The following CDC42BPA variants were observed in gnomAD, a reference collection of about 807,000 sequenced individuals.
CDC42BPA encodes serine/threonine-protein kinase MRCK alpha.
A neutral mutation model predicts 223.5 loss-of-function variants in CDC42BPA; 80 were observed. That is an observed-to-expected ratio of 0.36 (90% CI 0.30 to 0.43). The LOEUF (loss-of-function observed/expected upper bound fraction) is 0.43. CDC42BPA is among the 20% of genes least tolerant of loss of function. CDC42BPA has a pLI of 1.00. For synonymous variants in CDC42BPA, 694 were observed against 718.6 expected, an observed-to-expected ratio of 0.97 and a Z score of 0.55; for missense variants, 1,743 against 2,099.9, an observed-to-expected ratio of 0.83 and a Z score of 3.32.
intron 2 of CDC42BPA, among the ~76,000 whole-genome samples, chr1:227,249,542 C>T (rs1681592733): frequency 6.6e-6 from 1 of 152,164 alleles, no homozygotes; most frequent in Non-Finnish European, 1.5e-5. Flanking sequence ...TTGCAAACTA[C>T]TCATCTGACA....
At chr1:227,033,537 TA>T (rs2148685541) in intron 26 of CDC42BPA, 122 bp from the exon 27 acceptor site, 1 of 625,020 alleles carries the variant, frequency 1.6e-6, no homozygotes, top group Non-Finnish European at 2.9e-6. Flanking sequence ...TTTAATTTTT[TA>T]AAAAAATTAA....
intron 24 of CDC42BPA, among the ~76,000 whole-genome samples, chr1:227,038,198 AAAGGG>A (rs368818322): frequency 0.15 from 23,240 of 151,726 alleles, 2,166 homozygotes; most frequent in African/African-American, 0.25. Flanking sequence ...ATGGTTTTAT[AAAGGG>A]GAGTTCCCCT....
chr1:227,060,250 C>G (rs1261579684), intron 21 of CDC42BPA, among the ~76,000 whole-genome samples: 1 of 151,984 alleles, frequency 6.6e-6, no homozygotes, highest in African/African-American at 2.4e-5. Context: ...CCAGGATGGT[C>G]TCGATCTCCT....
intron 1 of CDC42BPA, among the ~76,000 whole-genome samples, chr1:227,295,456 G>T (rs1690499196): frequency 7.0e-6 from 1 of 142,210 alleles, no homozygotes; most frequent in African/African-American, 2.6e-5. Context: ...ACCATGCCCA[G>T]CATGAAATTA....
intron 1 of CDC42BPA, among the ~76,000 whole-genome samples, chr1:227,295,203 C>G (rs1247861890): frequency 6.6e-6 from 1 of 152,134 alleles, no homozygotes; most frequent in Non-Finnish European, 1.5e-5. Flanking sequence ...GGTTCTCACC[C>G]AGGCTAGGGT....
At position 227,074,430 on chromosome 1, in the gene CDC42BPA, T is replaced by C. The variant is rs1679048502; in HGVS notation, c.2481-66A>G. On this transcript the variant is annotated intron_variant, in intron 17 of 36. Coordinates refer to ENST00000366766, the MANE Select transcript of CDC42BPA (RefSeq NM_001394014.1). ...AGCTTCAGTGCAATATATGTTATTT[T>C]AAAGCTTCCTAAAGAAATAAGTGGT... 12 of 1,083,698 alleles carry C rather than the reference T, an allele frequency of 1.1e-5. No homozygotes were observed. In the South Asian group the frequency reaches 1.1e-4, roughly 10 times the overall value. The allele number at this position is 1,083,698 out of a possible 1,614,324, so 67.1% of individuals were successfully genotyped here. A position where few individuals can be genotyped will look rare whatever the true frequency, so the allele number is the denominator to read the frequency against.
At chr1:227,003,074 T>TA (rs1280079750) in intron 35 of CDC42BPA, among the ~76,000 whole-genome samples, 32 of 149,730 alleles carry the variant, frequency 2.1e-4, no homozygotes, top group Admixed American at 1.0e-3. Flanking sequence ...CGTCAGAATC[T>TA]AAAAAAAAAA....
chr1:226,994,407 G>C lies in CDC42BPA; in HGVS notation c.5134-8C>G. 1 of 1,507,998 alleles carries C rather than the reference G, an allele frequency of 6.6e-7. No individual in the cohort carries two copies. The highest frequency in any genetic ancestry group is 8.9e-7 in the Non-Finnish European group (1 of 1,124,266). The allele number at this position is 1,507,998 out of a possible 1,614,324, so 93.4% of individuals were successfully genotyped here. ...CCTCGGAGAGTCAGAGTCCTGTAAG[G>C]CCCAAAGTAAAACATTAATGAGAAG... On this transcript the variant is annotated splice_region_variant and splice_polypyrimidine_tract_variant and intron_variant, in intron 36 of 36. Transcript: ENST00000366766. This position sits in a 1 kb window ranked among gnomAD's most constrained non-coding sequence, Gnocchi z 4.0.
chr1:227,301,307 A>G (rs1691576190), intron 1 of CDC42BPA, among the ~76,000 whole-genome samples: 1 of 152,228 alleles, frequency 6.6e-6, no homozygotes, highest in Non-Finnish European at 1.5e-5. Context: ...TACCTCAAAA[A>G]GAAAAACACA....
chr1:227,263,211 G>A (rs879296823), intron 1 of CDC42BPA, among the ~76,000 whole-genome samples: 10 of 152,190 alleles, frequency 6.6e-5, no homozygotes, highest in African/African-American at 2.2e-4. Context: ...CAGCCTGGGT[G>A]ACAGAGCAAG....
intron 22 of CDC42BPA, among the ~76,000 whole-genome samples, chr1:227,050,315 G>A (rs1034444376): frequency 6.6e-6 from 1 of 152,132 alleles, no homozygotes; most frequent in Non-Finnish European, 1.5e-5. Context: ...ATGTGTGACT[G>A]TGAGGTGAGG....
chr1:227,289,888 C>CAAAAAAA (rs10629910), intron 1 of CDC42BPA, among the ~76,000 whole-genome samples: 2 of 121,080 alleles, frequency 1.7e-5, no homozygotes, highest in Admixed American at 1.8e-4. Flanking sequence ...CCTGTCTCTA[C>CAAAAAAA]AAAAAAAAAA....
chr1:227,264,976 G>A, intron 1 of CDC42BPA: 1 of 903,678 alleles, frequency 1.1e-6, no homozygotes. Flanking sequence ...CCTCATTTGG[G>A]CAGTGCTGCT....
intron 12 of CDC42BPA, among the ~76,000 whole-genome samples, chr1:227,118,472 A>C (rs1688116937): frequency 6.6e-6 from 1 of 152,134 alleles, no homozygotes; most frequent in Non-Finnish European, 1.5e-5. Context: ...CAAATCACTC[A>C]AAGTCCTTTA....
chr1:227,170,489 T>C (rs1157069660), intron 5 of CDC42BPA, among the ~76,000 whole-genome samples: 1 of 152,086 alleles, frequency 6.6e-6, no homozygotes, highest in Non-Finnish European at 1.5e-5. Flanking sequence ...TGTTGTTGTT[T>C]TATATTAGTC....
intron 5 of CDC42BPA, among the ~76,000 whole-genome samples, chr1:227,191,342 T>C (rs936127711): frequency 3.8e-4 from 18 of 47,042 alleles, no homozygotes; most frequent in Non-Finnish European, 6.8e-4. Context: ...CAAAACTCTG[T>C]CTCAAAAAAA....
chr1:227,102,990 T>C (rs1320773873), intron 14 of CDC42BPA, among the ~76,000 whole-genome samples: 2 of 152,134 alleles, frequency 1.3e-5, no homozygotes, highest in Non-Finnish European at 2.9e-5. Context: ...GTAATTCTTT[T>C]AATTTAAAAG....
intron 23 of CDC42BPA, among the ~76,000 whole-genome samples, chr1:227,043,550 A>T (rs1387752717): frequency 2.0e-5 from 3 of 152,062 alleles, no homozygotes; most frequent in African/African-American, 4.8e-5. Context: ...CTTGGGGAGA[A>T]ATATTAGGTG....
intron 2 of CDC42BPA, among the ~76,000 whole-genome samples, chr1:227,239,922 C>T (rs549825813): frequency 2.5e-4 from 38 of 152,174 alleles, no homozygotes; most frequent in African/African-American, 8.7e-4. Flanking sequence ...CGAGCTAGTG[C>T]AGTAAGTCAA....
Sources: allele counts gnomAD v4.1 joint callset (sites outside exome capture counted in the v4.1 genomes callset), GRCh38; gene constraint gnomAD v4.1.1; non-coding constraint Gnocchi (gnomAD v3.1); transcripts MANE v1.5; gene names NCBI Gene and HGNC (gene_info 2026-07-23, HGNC 2026-07-21).